The following CELF2 variants were observed in gnomAD, a reference collection of about 807,000 sequenced individuals.
The protein encoded by CELF2 is CUG triplet repeat RNA-binding protein 2.
In CELF2, 8 loss-of-function variants were observed where a neutral mutation model predicts 62.6. That is an observed-to-expected ratio of 0.13 (90% CI 0.07 to 0.23). The LOEUF (loss-of-function observed/expected upper bound fraction) is 0.23, where lower values mean the gene tolerates loss of function less well. CELF2 is among the 10% of genes least tolerant of loss of function. The probability of loss-of-function intolerance (pLI) is 1.00; values close to 1 mark genes in which losing one functional copy is unlikely to be tolerated. For synonymous variants in CELF2, 258 were observed against 250.0 expected (o/e 1.03, Z -0.30); for missense variants, 333 against 671.0 (o/e 0.50, Z 5.56).
At position 11,243,598 on chromosome 10, in the gene CELF2, G is replaced by C. The variant is rs565601984; in HGVS notation, c.355-5555G>C. ...CTGTCGTCTTCCAGGCTTGCTGCAA[G>C]TGCAGCTGAGATGAACATAAGTAAT... On this transcript the variant is annotated intron_variant, in intron 3 of 12. Coordinates refer to ENST00000633077, the MANE Select transcript of CELF2 (RefSeq NM_001326342.2). The surrounding 1 kb of genome is among the most constrained non-coding windows in gnomAD (Gnocchi z 4.1). Among the ~76,000 whole-genome samples, 1 of 152,328 alleles carries C rather than the reference G, an allele frequency of 6.6e-6. No individual in the cohort carries two copies. Among genetic ancestry groups the C allele is most frequent in the South Asian group, 2.1e-4 (1 of 4,830 alleles).
the CELF2 span, among the ~76,000 whole-genome samples, chr10:10,670,593 C>T: frequency 6.6e-6 from 1 of 152,158 alleles, no homozygotes; most frequent in African/African-American, 2.4e-5. Flanking sequence ...CCTAGATTGA[C>T]ACATCATTAT....
At chr10:10,833,622 A>G (rs1490185129) in intron 1 of CELF2, among the ~76,000 whole-genome samples, 1 of 152,266 alleles carries the variant, frequency 6.6e-6, no homozygotes, top group Admixed American at 6.5e-5. Flanking sequence ...CCCATGTTAG[A>G]AATGATGAGG....
At chr10:10,909,770 C>A (rs996878352) in intron 1 of CELF2, among the ~76,000 whole-genome samples, 18 of 152,190 alleles carry the variant, frequency 1.2e-4, no homozygotes, top group African/African-American at 4.1e-4. Context: ...TGGATAAAAT[C>A]TCTTCCCATT....
chr10:11,224,839 G>A lies in CELF2; in HGVS notation c.354+7332G>A, dbSNP rs546734021. On this transcript the variant is annotated intron_variant, in intron 3 of 12. Transcript: ENST00000633077. This position sits in a 1 kb window ranked among gnomAD's most constrained non-coding sequence, Gnocchi z 4.5. ...TACAGCATGGGTAGATGTGGAGAGA[G>A]TTCTCCCAGGAACACCAAGGTTCTT... Among the ~76,000 whole-genome samples, 2 of 152,262 alleles carry A rather than the reference G, an allele frequency of 1.3e-5. No homozygotes were observed. Among genetic ancestry groups the A allele is most frequent in the Non-Finnish European group, 1.5e-5 (1 of 68,024 alleles).
chr10:10,673,984 G>A, the CELF2 span, among the ~76,000 whole-genome samples: 1 of 152,310 alleles, frequency 6.6e-6, no homozygotes, highest in South Asian at 2.1e-4. Flanking sequence ...AGCTTGAGAA[G>A]AATGTGTATT....
In CELF2 at chr10:11,039,018, C is replaced by G. The variant is rs1045194933; in HGVS notation, c.74+20855C>G. Among the ~76,000 whole-genome samples, 3 of 152,208 alleles carry G rather than the reference C, an allele frequency of 2.0e-5. No individual in the cohort carries two copies. The highest frequency in any genetic ancestry group is 7.2e-5 in the African/African-American group (3 of 41,448). On this transcript the variant is annotated intron_variant, in intron 1 of 12. Transcript: ENST00000633077. The surrounding 1 kb of genome is among the most constrained non-coding windows in gnomAD (Gnocchi z 4.1). The stretch of plus-strand genomic sequence containing the variant: ...TTCATCCCCTCAACCATCCACCACC[C>G]TAAGCCAAGTGCGCCTGAGCTTCCA...
At chr10:11,129,413 C>T (rs2059266145) in intron 1 of CELF2, among the ~76,000 whole-genome samples, 1 of 152,114 alleles carries the variant, frequency 6.6e-6, no homozygotes. Flanking sequence ...AGGGAGGATT[C>T]CCTCTTTTTC....
At chr10:10,758,139 C>G in the CELF2 span, among the ~76,000 whole-genome samples, 14 of 152,148 alleles carry the variant, frequency 9.2e-5, no homozygotes, top group Non-Finnish European at 1.8e-4. Flanking sequence ...ATTTCAAATT[C>G]TTTTTATTGA....
At chr10:11,049,140 T>C (rs1367874793) in intron 1 of CELF2, among the ~76,000 whole-genome samples, 2 of 151,828 alleles carry the variant, frequency 1.3e-5, no homozygotes, top group Admixed American at 6.6e-5. Flanking sequence ...AAAAAAGTCT[T>C]TTTCCTTGCT....
At chr10:10,521,948 G>A in the CELF2 span, among the ~76,000 whole-genome samples, 1 of 152,134 alleles carries the variant, frequency 6.6e-6, no homozygotes, top group East Asian at 1.9e-4. Flanking sequence ...ATGAATGGGG[G>A]TAACGGGGCT....
At chr10:11,003,445 T>C (rs914713927), upstream of CELF2, among the ~76,000 whole-genome samples, 2 of 152,208 alleles carry the variant, frequency 1.3e-5, no homozygotes, top group Non-Finnish European at 2.9e-5. The surrounding 1 kb of genome is among the most constrained non-coding windows in gnomAD (Gnocchi z 4.4). Context: ...CCGAGCAGCG[T>C]ATTTTTACTT....
At chr10:10,578,493 A>C in the CELF2 span, among the ~76,000 whole-genome samples, 1 of 152,190 alleles carries the variant, frequency 6.6e-6, no homozygotes, top group Non-Finnish European at 1.5e-5. Flanking sequence ...TTATGGTTTT[A>C]GGTCTAACAT....
At chr10:11,283,824 G>GTGGATGATGGA (rs1242776140) in intron 8 of CELF2, among the ~76,000 whole-genome samples, 3 of 151,336 alleles carry the variant, frequency 2.0e-5, no homozygotes, top group Non-Finnish European at 4.4e-5. Context: ...TGGATGGTGG[G>GTGGATGATGGA]TGGATGATGG....
At chr10:10,622,791 T>G in the CELF2 span, among the ~76,000 whole-genome samples, 6 of 151,846 alleles carry the variant, frequency 4.0e-5, no homozygotes, top group African/African-American at 1.5e-4. Context: ...AAGCAGGTGA[T>G]AAACAATACA....
In CELF2 at chr10:11,108,779, C is replaced by CT. The variant is rs1327741396; in HGVS notation, c.75-56706dup. Among the ~76,000 whole-genome samples, 4 of 152,328 alleles carry CT rather than the reference C, an allele frequency of 2.6e-5. No individual in the cohort carries two copies. The South Asian group carries it at 8.3e-4, about 32-fold the overall frequency. ...CATTGTCATTTTCATTTACGTTTCT[C>CT]TGATTACTGGTGAGATTGAGCTTTT... On this transcript the variant is annotated intron_variant, in intron 1 of 12. Transcript: ENST00000633077.
At chr10:10,778,182 C>T in the CELF2 span, among the ~76,000 whole-genome samples, 3 of 152,168 alleles carry the variant, frequency 2.0e-5, no homozygotes, top group East Asian at 3.9e-4. Flanking sequence ...GTTTCTTGGT[C>T]GTAGTGAAGG....
At chr10:10,734,939 T>G in the CELF2 span, among the ~76,000 whole-genome samples, 1 of 152,156 alleles carries the variant, frequency 6.6e-6, no homozygotes, top group Admixed American at 6.5e-5. Flanking sequence ...GGGGACTGTG[T>G]GGATGAAGAG....
chr10:10,701,602 A>T, the CELF2 span, among the ~76,000 whole-genome samples: 2 of 152,352 alleles, frequency 1.3e-5, no homozygotes, highest in South Asian at 4.1e-4. Flanking sequence ...AACATAATAT[A>T]TGTAAGCATT....
At chr10:11,058,461 G>GTTTTTTTTTTTTTTTTTTTTTTT (rs67113152) in intron 1 of CELF2, among the ~76,000 whole-genome samples, 1 of 116,806 alleles carries the variant, frequency 8.6e-6, no homozygotes, top group Non-Finnish European at 1.7e-5. Context: ...TTTTTTGTTG[G>GTTTTTTTTTTTTTTTTTTTTTTT]TTTTTTTTTT....
Sources: gnomAD v4.1 joint callset for allele counts (sites outside exome capture counted in the v4.1 genomes callset) on GRCh38, gnomAD v4.1.1 for gene constraint, Gnocchi (gnomAD v3.1) non-coding constraint, MANE v1.5 for transcripts, NCBI Gene and HGNC (gene_info 2026-07-23, HGNC 2026-07-21) for gene names.